ZNF705A: variants seen among roughly 807,000 people sequenced by gnomAD.
ZNF705A encodes zinc finger protein 705A.
Under a neutral mutation model 16.6 loss-of-function variants are expected in ZNF705A, and 8 were observed. That is an observed-to-expected ratio of 0.48 (90% CI 0.28 to 0.87). The LOEUF (loss-of-function observed/expected upper bound fraction) is 0.87, where lower values mean the gene tolerates loss of function less well. Ranked by LOEUF, ZNF705A falls within the 40% of genes least tolerant of loss-of-function variation. The pLI is 0.10. For missense variants in ZNF705A, 233 were observed against 359.9 expected (o/e 0.65, Z 2.85); for synonymous variants, 73 against 117.3 (o/e 0.62, Z 2.44).
At chr12:8,176,182 T>C (rs1948483244) in intron 4 of ZNF705A, among the ~76,000 whole-genome samples, 1 of 152,206 alleles carries the variant, frequency 6.6e-6, no homozygotes, top group South Asian at 2.1e-4. Context: ...TTGAAAGATA[T>C]TGATATCATC....
chr12:8,177,452 T>A (rs1415506279), exon 5 of ZNF705A: 2 of 1,612,158 alleles, frequency 1.2e-6, no homozygotes, highest in East Asian at 4.5e-5. Context: ...GTGTTATGAA[T>A]GTGATAAAAG....
chr12:8,176,366 C>T (rs1483564960), intron 4 of ZNF705A, among the ~76,000 whole-genome samples: 2 of 152,088 alleles, frequency 1.3e-5, no homozygotes, highest in Admixed American at 6.5e-5. Flanking sequence ...CAGGTGTATG[C>T]CTTTCTCCAA....
rs755206074 is a variant in ZNF705A at position 8,177,107 on chromosome 12, C to T, written c.427C>T (p.Pro143Ser). 3.7e-5 allele frequency: 60 copies of T among 1,611,840 alleles called. No homozygotes were observed. The highest frequency in any genetic ancestry group is 4.9e-5 in the Non-Finnish European group (58 of 1,179,804). The stretch of plus-strand genomic sequence containing the variant: ...TTTGTTAACTCACAGTGGAAAGAAA[C>T]CCTATGTCAGCAAACAGTGTGGAAA... Residue 143 changes from proline (P) to serine (S), a missense_variant, in exon 5 of 5, where the codon CCC (proline) becomes TCC (serine). Pro to Ser is a moderately conservative substitution (Grantham distance 74). This residue lies in a region of ZNF705A where 220 missense variants were observed against 271.4 expected (regional missense o/e 0.81). Coordinates refer to ENST00000359286, the Ensembl canonical transcript of ZNF705A.
At chr12:8,177,550 G>C (rs1438483005) in exon 5 of ZNF705A, 1 of 1,612,400 alleles carries the variant, frequency 6.2e-7, no homozygotes. Flanking sequence ...TTCTATGTGG[G>C]AAGGCCTTCA....
At chr12:8,177,500 A>C (rs750560171) in exon 5 of ZNF705A, 1 of 1,612,146 alleles carries the variant, frequency 6.2e-7, no homozygotes, top group African/African-American at 1.3e-5. Flanking sequence ...CTTTAGAGGA[A>C]ACAAAATAAT....
exon 5 of ZNF705A, chr12:8,179,049 T>G (rs1270104613): frequency 6.6e-6 from 1 of 152,244 alleles, no homozygotes; most frequent in Non-Finnish European, 1.5e-5. Flanking sequence ...ATGGAGGCTG[T>G]ATCAAAGACC....
intron 4 of ZNF705A, among the ~76,000 whole-genome samples, 193 bp downstream of exon 5, chr12:8,176,135 A>G (rs772261684): frequency 6.6e-6 from 1 of 152,370 alleles, no homozygotes; most frequent in African/African-American, 2.4e-5. Flanking sequence ...GATCTCTAAA[A>G]TAGAACAAGT....
chr12:8,163,298 C>T (rs1948372216), intron 1 of ZNF705A, among the ~76,000 whole-genome samples: 1 of 152,270 alleles, frequency 6.6e-6, no homozygotes, highest in South Asian at 2.1e-4. Flanking sequence ...ACGCTTAGTT[C>T]CATCTCATGA....
At chr12:8,163,260 C>A (rs1391474433) in intron 1 of ZNF705A, among the ~76,000 whole-genome samples, 1 of 152,132 alleles carries the variant, frequency 6.6e-6, no homozygotes, top group Non-Finnish European at 1.5e-5. Context: ...TGCAGAAAAT[C>A]AACTGGGAGG....
At chr12:8,167,504 G>C (rs1386586367) in intron 1 of ZNF705A, among the ~76,000 whole-genome samples, 1 of 152,160 alleles carries the variant, frequency 6.6e-6, no homozygotes, top group Non-Finnish European at 1.5e-5. Flanking sequence ...CCAATCAGAG[G>C]ATGCATTTTC....
At chr12:8,157,762 A>G (rs955052553) in intron 1 of ZNF705A, among the ~76,000 whole-genome samples, 5 of 152,168 alleles carry the variant, frequency 3.3e-5, no homozygotes, top group African/African-American at 1.2e-4. Context: ...ACAAGTTTTT[A>G]TACTTGTAAA....
intron 1 of ZNF705A, among the ~76,000 whole-genome samples, chr12:8,166,329 G>T (rs187523174): frequency 6.6e-6 from 1 of 152,082 alleles, no homozygotes; most frequent in African/African-American, 2.4e-5. Context: ...GATATGGTTC[G>T]GCTCTGTGTC....
chr12:8,179,141 TCTC>T (rs1379504217), exon 5 of ZNF705A: 2 of 152,284 alleles, frequency 1.3e-5, no homozygotes, highest in East Asian at 3.9e-4. Context: ...AGGCAGCTCT[TCTC>T]TTCTATCCCT....
chr12:8,173,097 A>C (rs1948457581), intron 1 of ZNF705A, among the ~76,000 whole-genome samples: 1 of 152,282 alleles, frequency 6.6e-6, no homozygotes, highest in Non-Finnish European at 1.5e-5. Context: ...AGAACATCAC[A>C]GCCCAACAAT....
chr12:8,160,927 A>G (rs1049139377), intron 1 of ZNF705A, among the ~76,000 whole-genome samples: 1 of 152,036 alleles, frequency 6.6e-6, no homozygotes, highest in African/African-American at 2.4e-5. Flanking sequence ...AATGCTTTCA[A>G]GTTTTCCTCA....
chr12:8,179,590 G>A (rs1948515623), exon 5 of ZNF705A: 1 of 152,142 alleles, frequency 6.6e-6, no homozygotes, highest in African/African-American at 2.4e-5. Context: ...GGCCTTATCC[G>A]TGGTTGAAGT....
chr12:8,172,410 G>A (rs1044923934), upstream of ZNF705A: 4 of 677,114 alleles, frequency 5.9e-6, no homozygotes, highest in South Asian at 3.6e-5. Flanking sequence ...CACGGGAAAA[G>A]AGGAGAGGCC....
upstream of ZNF705A, among the ~76,000 whole-genome samples, chr12:8,172,381 T>C (rs1948452438): frequency 6.6e-6 from 1 of 151,992 alleles, no homozygotes; most frequent in African/African-American, 2.4e-5. Context: ...ACCATAGTCA[T>C]AGGCTTCCTA....
At chr12:8,174,276 A>G in intron 1 of ZNF705A, 50 bp from the exon 3 acceptor site, 4 of 1,595,962 alleles carry the variant, frequency 2.5e-6, no homozygotes, top group East Asian at 2.2e-5. Context: ...CCTCTTCCGG[A>G]CATTGAAAGG....
Sources: gnomAD v4.1 joint callset for allele counts (sites outside exome capture counted in the v4.1 genomes callset) on GRCh38, gnomAD v4.1.1 for gene constraint, gnomAD v4.1.1 regional missense constraint, MANE v1.5 for transcripts, NCBI Gene and HGNC (gene_info 2026-07-23, HGNC 2026-07-21) for gene names.